Variants in TMEM132E observed in about 807,000 individuals in gnomAD.
TMEM132E encodes the protein transmembrane protein 132E.
Under a neutral mutation model 78.5 loss-of-function variants are expected in TMEM132E, and 49 were observed. That is an observed-to-expected ratio of 0.62 (90% CI 0.50 to 0.79). The LOEUF is 0.79. Ranked by LOEUF, TMEM132E falls within the 30% of genes least tolerant of loss-of-function variation. TMEM132E has a pLI of 0.00. For synonymous variants in TMEM132E, 715 were observed against 670.6 expected, an observed-to-expected ratio of 1.07 and a Z score of -1.02; for missense variants, 1,403 against 1,470.9, an observed-to-expected ratio of 0.95 and a Z score of 0.75.
chr17:34,599,058 C>T (rs1906146122), intron 1 of TMEM132E, among the ~76,000 whole-genome samples: 1 of 152,210 alleles, frequency 6.6e-6, no homozygotes, highest in African/African-American at 2.4e-5. Context: ...ACTGTTGAGG[C>T]ATAGACAGGG....
Position 34,637,900 on chromosome 17 carries a change from T to A in TMEM132E, c.2893T>A (p.Cys965Ser), listed in dbSNP as rs202178307. 3 of 1,606,042 alleles carry A rather than the reference T, an allele frequency of 1.9e-6. No homozygotes were observed. The highest frequency in any genetic ancestry group is 2.5e-6 in the Non-Finnish European group (3 of 1,178,892). ...CCCGCTGGAAACCGTGCCCGCCTTCTGCCACGGCGACCACCACAGCAGCGG... is the reference window on the plus strand; with the variant it reads ...CCCGCTGGAAACCGTGCCCGCCTTCAGCCACGGCGACCACCACAGCAGCGG... ...GNPLETVPAF[C>S]HGDHHSSGSS... The change falls in exon 9 of 9, where the codon TGC becomes AGC. Residue 965 changes from cysteine (C) to serine (S), a missense_variant. Cys to Ser is a moderately radical substitution (Grantham distance 112). This residue lies in a region of TMEM132E where 888 missense variants were observed against 952.8 expected (regional missense o/e 0.93). Transcript: ENST00000631683.
chr17:34,592,414 C>T (rs1905903715), intron 1 of TMEM132E, among the ~76,000 whole-genome samples: 1 of 152,222 alleles, frequency 6.6e-6, no homozygotes, highest in Admixed American at 6.5e-5. Flanking sequence ...TGTCTACACA[C>T]TGCCAGGACA....
intron 1 of TMEM132E, among the ~76,000 whole-genome samples, chr17:34,622,135 A>G (rs1016609357): frequency 2.6e-5 from 4 of 152,168 alleles, no homozygotes; most frequent in African/African-American, 9.7e-5. Context: ...ACTCAAGCAC[A>G]TATTTAGTGT....
chr17:34,610,697 A>C (rs952130417), intron 1 of TMEM132E, among the ~76,000 whole-genome samples: 1 of 152,254 alleles, frequency 6.6e-6, no homozygotes, highest in African/African-American at 2.4e-5. Flanking sequence ...TAACAGTGAA[A>C]TCACAGAGAT....
chr17:34,629,324 C>A, intron 4 of TMEM132E, 120 bp downstream of exon 4: 1 of 1,131,380 alleles, frequency 8.8e-7, no homozygotes, highest in Non-Finnish European at 1.2e-6. Flanking sequence ...ATATGTGAGA[C>A]TTCCTGCCAT....
intron 1 of TMEM132E, among the ~76,000 whole-genome samples, chr17:34,603,050 G>A (rs968765624): frequency 6.6e-6 from 1 of 152,160 alleles, no homozygotes; most frequent in Non-Finnish European, 1.5e-5. Flanking sequence ...CCCAGCCTAG[G>A]CCTGTCTTAC....
At position 34,626,201 on chromosome 17, in the gene TMEM132E, C is replaced by G. The variant is rs553628300; in HGVS notation, c.142C>G (p.Arg48Gly). Reference sequence around the variant, plus strand: ...CAGCCCGGTGCTGCCAGTCAGCTACCGCCTGTCGCACACGCGGCTGGCCTT... The same window carrying G: ...CAGCCCGGTGCTGCCAGTCAGCTACGGCCTGTCGCACACGCGGCTGGCCTT... ...QASPVLPVSY[R>G]LSHTRLAFFL... is the part of the protein sequence containing the mutation. The change falls in exon 2 of 9, where the codon CGC becomes GGC. Residue 48 changes from arginine to glycine, a missense_variant. Arg to Gly is a moderately radical substitution (Grantham distance 125, BLOSUM62 -2). Around this residue, in one of 3 missense-constraint regions of TMEM132E, gnomAD observed 511 missense variants for 499.0 expected, o/e 1.02. Coordinates refer to ENST00000631683, the MANE Select transcript of TMEM132E (RefSeq NM_001304438.2). The G allele has an allele frequency of 1.3e-6, 2 of 1,572,434 alleles. No individual in the cohort carries two copies. Among genetic ancestry groups the G allele is most frequent in the Non-Finnish European group, 1.7e-6 (2 of 1,159,392 alleles).
chr17:34,627,828 C>G (rs983762227), intron 2 of TMEM132E, among the ~76,000 whole-genome samples: 5 of 152,066 alleles, frequency 3.3e-5, no homozygotes, highest in Admixed American at 1.3e-4. Context: ...TAAATGCTGT[C>G]GGAAAGGGTC....
intron 1 of TMEM132E, among the ~76,000 whole-genome samples, chr17:34,584,672 A>G (rs1211561365): frequency 2.0e-5 from 3 of 152,196 alleles, no homozygotes; most frequent in African/African-American, 7.2e-5. Flanking sequence ...CCCTCCCAGC[A>G]TCAGTTGAAA....
intron 1 of TMEM132E, among the ~76,000 whole-genome samples, chr17:34,584,455 T>A (rs1180798519): frequency 1.3e-5 from 2 of 152,272 alleles, no homozygotes; most frequent in Non-Finnish European, 2.9e-5. Flanking sequence ...TACTTCATGC[T>A]ACTTTTCTAG....
Position 34,617,121 on chromosome 17 carries a change from A to G in TMEM132E, c.68-9006A>G, listed in dbSNP as rs556880907. Among the ~76,000 whole-genome samples, 3 of 152,386 alleles carry G rather than the reference A, an allele frequency of 2.0e-5. No homozygotes were observed. The South Asian group carries it at 6.2e-4, about 32-fold the overall frequency. On this transcript the variant is annotated intron_variant, in intron 1 of 8. Coordinates refer to ENST00000631683, the MANE Select transcript of TMEM132E (RefSeq NM_001304438.2). ...CGGCCAGCTGACTGCTACCTAGTCC[A>G]GAACTCCCTGCAGACATAACCGCTA... is the stretch of plus-strand genomic sequence containing the variant.
At chr17:34,625,621 A>C (rs72817898) in intron 1 of TMEM132E, among the ~76,000 whole-genome samples, 337 of 145,520 alleles carry the variant, frequency 2.3e-3, no homozygotes, top group Non-Finnish European at 3.6e-3. Flanking sequence ...ACCTCAGAGC[A>C]TTGATCTGAG....
intron 1 of TMEM132E, among the ~76,000 whole-genome samples, chr17:34,585,699 G>C (rs1034066031): frequency 3.9e-5 from 6 of 152,104 alleles, no homozygotes; most frequent in South Asian, 2.1e-4. Flanking sequence ...TCCAGTGATG[G>C]GCTTCTAGCC....
rs375386140 is a variant in TMEM132E at position 34,626,170 on chromosome 17, G to A, written c.111G>A (p.Pro37=). Residue 37 remains proline, a synonymous_variant, in exon 2 of 9, where the codon CCG becomes CCA. Transcript: ENST00000631683. ...CGGCCAGCCCCAGCCCGCCGGGGCC[G>A]CAGGCCAGCCCGGTGCTGCCAGTCA... ...SHPASPSPPG[P]QASPVLPVSY... 5 of 1,556,202 alleles carry A rather than the reference G, an allele frequency of 3.2e-6. No individual in the cohort carries two copies. The Admixed American group carries it at 5.7e-5, about 18-fold the overall frequency.
intron 1 of TMEM132E, among the ~76,000 whole-genome samples, chr17:34,618,478 C>G (rs1906854263): frequency 6.6e-6 from 1 of 151,774 alleles, no homozygotes; most frequent in Non-Finnish European, 1.5e-5. Context: ...GCGATCCTCC[C>G]TCCTGAGCCT....
At chr17:34,610,915 T>C (rs552494092) in intron 1 of TMEM132E, among the ~76,000 whole-genome samples, 136 of 152,360 alleles carry the variant, frequency 8.9e-4, no homozygotes, top group East Asian at 1.2e-3. Flanking sequence ...AGAACTGTCA[T>C]GGCACTGGTG....
chr17:34,635,039 G>A lies in TMEM132E; in HGVS notation c.1929G>A (p.Val643=), dbSNP rs780197772. The stretch of plus-strand genomic sequence containing the variant: ...GCGATCCCCGAGTGGCACACATGGT[G>A]GACAGCAGCACGCTGGCAGGACTGG... The part of the protein sequence containing the change: ...RVGDPRVAHM[V]DSSTLAGLEP... The change falls in exon 7 of 9, where the codon GTG becomes GTA. Residue 643 remains valine (V), a synonymous_variant. Coordinates refer to ENST00000631683, the MANE Select transcript of TMEM132E (RefSeq NM_001304438.2). 1.2e-5 allele frequency: 19 copies of A among 1,614,078 alleles called. No individual in the cohort carries two copies. The African/African-American group carries it at 1.9e-4, about 16-fold the overall frequency.
At chr17:34,589,488 AC>A (rs1405338240) in intron 1 of TMEM132E, among the ~76,000 whole-genome samples, 1 of 152,216 alleles carries the variant, frequency 6.6e-6, no homozygotes, top group African/African-American at 2.4e-5. Context: ...CTTACTAATT[AC>A]CTGCCTTTAC....
chr17:34,636,023 C>CGGA lies in TMEM132E; in HGVS notation c.1997_1999dup (p.Glu666dup). ...CTGCCTCAGGTGGTGTCTCCGCTGA[C>CGGA]GGAGGCTGTGCTCGGGGAGACGCTG... On this transcript the variant is annotated inframe_insertion, in exon 8 of 9. Coordinates refer to ENST00000631683, the MANE Select transcript of TMEM132E (RefSeq NM_001304438.2). 6.6e-7 allele frequency: 1 copy of CGGA among 1,514,398 alleles called. No homozygotes were observed. Among genetic ancestry groups the CGGA allele is most frequent in the East Asian group, 2.6e-5 (1 of 38,350 alleles). The allele number at this position is 1,514,398 out of a possible 1,614,324, so 93.8% of individuals were successfully genotyped here.
Sources: gnomAD v4.1 joint callset for allele counts (sites outside exome capture counted in the v4.1 genomes callset) on GRCh38, gnomAD v4.1.1 for gene constraint, gnomAD v4.1.1 regional missense constraint, MANE v1.5 for transcripts, NCBI Gene and HGNC (gene_info 2026-07-23, HGNC 2026-07-21) for gene names.